Variants in ERBB4 observed in about 807,000 individuals in gnomAD.
ERBB4 encodes the protein receptor tyrosine-protein kinase erbB-4.
In ERBB4, 42 loss-of-function variants were observed where a neutral mutation model predicts 158.0. The observed-to-expected ratio is 0.27, with a 90% CI of 0.21 to 0.34. The LOEUF is 0.34. Ranked by LOEUF, ERBB4 falls within the 10% of genes least tolerant of loss-of-function variation. The pLI, the probability that ERBB4 is intolerant of heterozygous loss-of-function variation, is 1.00. For missense variants in ERBB4, 1,333 were observed against 1,624.1 expected (o/e 0.82, Z 3.08); for synonymous variants, 583 against 558.7 (o/e 1.04, Z -0.61).
At chr2:211,851,409 T>C (rs1559574553) in intron 3 of ERBB4, among the ~76,000 whole-genome samples, 3 of 151,924 alleles carry the variant, frequency 2.0e-5, no homozygotes, top group Admixed American at 1.3e-4. Flanking sequence ...TTTTAAAATA[T>C]AACTAGGTCA....
At chr2:211,772,478 G>A (rs1277767923) in intron 4 of ERBB4, among the ~76,000 whole-genome samples, 1 of 151,726 alleles carries the variant, frequency 6.6e-6, no homozygotes, top group Non-Finnish European at 1.5e-5. Flanking sequence ...AAAGACCTAG[G>A]GGAAGATAAA....
intron 1 of ERBB4, among the ~76,000 whole-genome samples, chr2:212,510,138 G>GTATA (rs10645606): frequency 6.9e-6 from 1 of 145,958 alleles, no homozygotes; most frequent in Non-Finnish European, 1.5e-5. Context: ...AGATGTGTGT[G>GTATA]TATATATATA....
At position 211,881,765 on chromosome 2, in the gene ERBB4, G is replaced by T. The variant is rs555846565; in HGVS notation, c.421+65665C>A. On this transcript the variant is annotated intron_variant, in intron 3 of 27. Coordinates refer to ENST00000342788, the MANE Select transcript of ERBB4 (RefSeq NM_005235.3). The stretch of plus-strand genomic sequence containing the variant: ...CATTTTTCTGGGACCCCTCTCTGTA[G>T]CAGAGAGCTATTCTCCTTCTTTTGT... Among the ~76,000 whole-genome samples, 3 of 152,178 alleles carry T rather than the reference G, an allele frequency of 2.0e-5. No homozygotes were observed. The East Asian group carries it at 5.8e-4, about 29-fold the overall frequency.
intron 7 of ERBB4, among the ~76,000 whole-genome samples, chr2:211,715,029 C>T (rs1452196513): frequency 6.6e-6 from 1 of 152,214 alleles, no homozygotes; most frequent in Non-Finnish European, 1.5e-5. Context: ...GGCAGCTTCT[C>T]TGTCTGCCAT....
chr2:211,477,131 A>G (rs1449732119), intron 20 of ERBB4, among the ~76,000 whole-genome samples: 2 of 152,100 alleles, frequency 1.3e-5, no homozygotes, highest in Admixed American at 1.3e-4. Flanking sequence ...AGCAGTTAAA[A>G]CATTAATAGA....
Position 212,538,591 on chromosome 2 carries a change from C to T in ERBB4, c.-61G>A. 6.6e-7 allele frequency: 1 copy of T among 1,520,384 alleles called. No homozygotes were observed. The highest frequency in any genetic ancestry group is 9.1e-7 in the Non-Finnish European group (1 of 1,095,064). 94.2% of individuals were successfully genotyped at this position (1,520,384 alleles called of 1,614,324 possible). Reference sequence around the variant, plus strand: ...ATGTCCAAATGGCATATCCCCCTTTCGGGCACGCGGAGGAGATCCCCCAGC... The same window carrying T: ...ATGTCCAAATGGCATATCCCCCTTTTGGGCACGCGGAGGAGATCCCCCAGC... On this transcript the variant is annotated 5_prime_UTR_variant, in exon 1 of 28. Coordinates refer to ENST00000342788, the MANE Select transcript of ERBB4 (RefSeq NM_005235.3).
At chr2:212,286,596 T>TGTTTTTTGTTTTGTTTTG (rs200822862) in intron 1 of ERBB4, among the ~76,000 whole-genome samples, 1 of 91,132 alleles carries the variant, frequency 1.1e-5, no homozygotes. Context: ...AGTGCTGACT[T>TGTTTTTTGTTTTGTTTTG]TTTTTTTTTT....
chr2:211,743,093 T>A (rs1283922015), intron 5 of ERBB4, among the ~76,000 whole-genome samples: 3 of 152,180 alleles, frequency 2.0e-5, no homozygotes, highest in Non-Finnish European at 2.9e-5. Flanking sequence ...AGTATGCATT[T>A]CTTCATTAAT....
chr2:212,507,513 T>C (rs188634961), intron 1 of ERBB4, among the ~76,000 whole-genome samples: 11 of 152,312 alleles, frequency 7.2e-5, no homozygotes, highest in Admixed American at 2.0e-4. Flanking sequence ...ATTAAAAATA[T>C]TAATGATTCA....
intron 3 of ERBB4, among the ~76,000 whole-genome samples, chr2:211,842,467 T>G (rs1260960695): frequency 1.3e-5 from 2 of 151,440 alleles, no homozygotes; most frequent in African/African-American, 4.8e-5. Flanking sequence ...AGAAATAGAT[T>G]ATTTTTGTAT....
rs541880122 is a variant in ERBB4 at position 211,862,484 on chromosome 2, A to C, written c.422-74325T>G. ...TCCTGTTCAAACATAACTTCTACAGAATATGTTCATAAGTCAAAACTCACT... is the reference window on the plus strand; with the variant it reads ...TCCTGTTCAAACATAACTTCTACAGCATATGTTCATAAGTCAAAACTCACT... On this transcript the variant is annotated intron_variant, in intron 3 of 27. Coordinates refer to ENST00000342788, the MANE Select transcript of ERBB4 (RefSeq NM_005235.3). Among the ~76,000 whole-genome samples the C allele has an allele frequency of 1.6e-3, 238 of 152,302 alleles. 1 individual carries two copies. The highest frequency in any genetic ancestry group is 5.5e-3 in the African/African-American group (227 of 41,558).
intron 1 of ERBB4, among the ~76,000 whole-genome samples, chr2:212,348,576 A>T (rs1484893599): frequency 6.6e-6 from 1 of 152,172 alleles, no homozygotes; most frequent in Non-Finnish European, 1.5e-5. Context: ...TCTGTTATAG[A>T]ATGTGAAAAA....
chr2:212,185,025 T>C (rs2081977880), intron 1 of ERBB4, among the ~76,000 whole-genome samples: 1 of 140,664 alleles, frequency 7.1e-6, no homozygotes, highest in African/African-American at 2.7e-5. Flanking sequence ...TTTTTTCTTT[T>C]TTTTTTTTCT....
chr2:212,167,552 A>G (rs1407684335), intron 1 of ERBB4, among the ~76,000 whole-genome samples: 1 of 152,158 alleles, frequency 6.6e-6, no homozygotes, highest in African/African-American at 2.4e-5. Flanking sequence ...AGGATTTAGA[A>G]CCAGAAATAC....
At chr2:211,623,035 ATATATATAT>A (rs2069690609) in intron 18 of ERBB4, among the ~76,000 whole-genome samples, 1 of 105,572 alleles carries the variant, frequency 9.5e-6, no homozygotes, top group Non-Finnish European at 1.9e-5. Flanking sequence ...ATATATATAT[ATATATATAT>A]AAAATGCCAA....
intron 2 of ERBB4, among the ~76,000 whole-genome samples, chr2:212,048,439 A>C (rs1257046833): frequency 6.6e-6 from 1 of 152,196 alleles, no homozygotes; most frequent in Non-Finnish European, 1.5e-5. Context: ...CATGGAGACA[A>C]GTAAATATAT....
chr2:212,175,036 C>T (rs2081619745), intron 1 of ERBB4, among the ~76,000 whole-genome samples: 1 of 152,030 alleles, frequency 6.6e-6, no homozygotes, highest in South Asian at 2.1e-4. Context: ...TCTGCCGTTT[C>T]TTTCAAGAAT....
intron 2 of ERBB4, among the ~76,000 whole-genome samples, chr2:212,072,877 G>A (rs1364500125): frequency 6.6e-6 from 1 of 151,940 alleles, no homozygotes; most frequent in Non-Finnish European, 1.5e-5. Flanking sequence ...AAATGAGTGA[G>A]TATCTGGAAG....
intron 20 of ERBB4, among the ~76,000 whole-genome samples, chr2:211,552,803 G>T (rs1049774006): frequency 2.0e-5 from 3 of 152,082 alleles, no homozygotes; most frequent in Middle Eastern, 3.2e-3. Context: ...TAAAATTTTT[G>T]CAGGAATAGT....
Sources: gnomAD v4.1 joint callset for allele counts (sites outside exome capture counted in the v4.1 genomes callset) on GRCh38, gnomAD v4.1.1 for gene constraint, MANE v1.5 for transcripts, NCBI Gene and HGNC (gene_info 2026-07-23, HGNC 2026-07-21) for gene names.